Variants in STX8 observed in about 807,000 individuals in gnomAD.
STX8 encodes the protein syntaxin-8.
Under a neutral mutation model 37.5 loss-of-function variants are expected in STX8, and 23 were observed. The observed-to-expected ratio is 0.61, with a 90% CI of 0.44 to 0.87. The LOEUF is 0.87. Ranked by LOEUF, STX8 falls within the 40% of genes least tolerant of loss-of-function variation. STX8 has a pLI of 0.00. For synonymous variants in STX8, 115 were observed against 99.1 expected (o/e 1.16, Z -0.95); for missense variants, 313 against 284.7 (o/e 1.10, Z -0.71).
intron 5 of STX8, among the ~76,000 whole-genome samples, chr17:9,494,938 C>T (rs375451782): frequency 1.3e-5 from 2 of 152,260 alleles, no homozygotes; most frequent in East Asian, 3.9e-4. Context: ...ATGAAGGTAA[C>T]ATTGTACCCC....
chr17:9,567,805 G>A (rs911563041), intron 2 of STX8, among the ~76,000 whole-genome samples: 2 of 152,150 alleles, frequency 1.3e-5, no homozygotes, highest in Non-Finnish European at 2.9e-5. Context: ...TCCTGCCTCA[G>A]CCTCCTGAGT....
intron 6 of STX8, among the ~76,000 whole-genome samples, chr17:9,441,856 T>A (rs1396889061): frequency 6.6e-6 from 1 of 151,904 alleles, no homozygotes; most frequent in Non-Finnish European, 1.5e-5. Flanking sequence ...TTTGTATTTT[T>A]AGTAGAGACG....
intron 6 of STX8, among the ~76,000 whole-genome samples, chr17:9,431,528 CT>C (rs1412479988): frequency 7.9e-5 from 12 of 151,904 alleles, no homozygotes; most frequent in Admixed American, 7.9e-4. Flanking sequence ...ATCTCTTGAC[CT>C]TGTGATCCAC....
chr17:9,362,837 A>AG (rs1911106137), intron 7 of STX8, among the ~76,000 whole-genome samples: 1 of 121,824 alleles, frequency 8.2e-6, no homozygotes, highest in African/African-American at 5.2e-5. Context: ...TCAAAAAAAA[A>AG]AAAAAATAAA....
intron 5 of STX8, among the ~76,000 whole-genome samples, chr17:9,497,893 C>T (rs1904464106): frequency 6.6e-6 from 1 of 152,124 alleles, no homozygotes; most frequent in Non-Finnish European, 1.5e-5. Context: ...GGAGGGCCCT[C>T]TAGGTTTACA....
chr17:9,541,383 G>C (rs35995061), intron 4 of STX8, among the ~76,000 whole-genome samples: 1 of 151,652 alleles, frequency 6.6e-6, no homozygotes, highest in African/African-American at 2.4e-5. Flanking sequence ...TCAGGGGGCA[G>C]GGCACGAGGG....
chr17:9,332,125 CCT>C (rs1348952020), intron 7 of STX8, among the ~76,000 whole-genome samples: 1 of 152,186 alleles, frequency 6.6e-6, no homozygotes, highest in Non-Finnish European at 1.5e-5. Flanking sequence ...GACTGCTGGA[CCT>C]CTGTTTGCTT....
At chr17:9,554,512 G>A (rs1322486715) in intron 3 of STX8, 3 of 152,170 alleles carry the variant, frequency 2.0e-5, no homozygotes, top group Non-Finnish European at 4.4e-5. Context: ...TGTTTGGGAA[G>A]AAGAAGGAGG....
At chr17:9,559,475 G>A (rs991165941) in intron 2 of STX8, among the ~76,000 whole-genome samples, 15 of 151,212 alleles carry the variant, frequency 9.9e-5, no homozygotes, top group Admixed American at 6.6e-5. Context: ...ATTAAAAACA[G>A]AATAAACATA....
At chr17:9,324,509 T>C (rs1188791470) in intron 7 of STX8, among the ~76,000 whole-genome samples, 1 of 151,932 alleles carries the variant, frequency 6.6e-6, no homozygotes, top group Admixed American at 6.6e-5. Flanking sequence ...CTGCCTGTAA[T>C]CCCTGCACTT....
intron 6 of STX8, among the ~76,000 whole-genome samples, chr17:9,392,911 AAG>A (rs1912273515): frequency 2.6e-5 from 4 of 152,206 alleles, no homozygotes; most frequent in Admixed American, 6.5e-5. Flanking sequence ...AGAGAGAAAA[AAG>A]AGTGTGGGCC....
chr17:9,396,980 T>A (rs1240405846), intron 6 of STX8, among the ~76,000 whole-genome samples: 2 of 152,198 alleles, frequency 1.3e-5, no homozygotes, highest in Admixed American at 6.5e-5. Context: ...ATGAGTGGCA[T>A]CTATAAGACT....
chr17:9,543,748 C>A (rs1269487942), intron 4 of STX8, among the ~76,000 whole-genome samples: 4 of 152,194 alleles, frequency 2.6e-5, no homozygotes, highest in Non-Finnish European at 5.9e-5. Flanking sequence ...AGTAGATTGG[C>A]CCAGCACAGG....
At chr17:9,513,719 CCCA>C (rs1905090276) in intron 4 of STX8, among the ~76,000 whole-genome samples, 1 of 152,180 alleles carries the variant, frequency 6.6e-6, no homozygotes, top group Non-Finnish European at 1.5e-5. Context: ...GATATCCACA[CCCA>C]CATGTTTACT....
intron 6 of STX8, among the ~76,000 whole-genome samples, chr17:9,460,284 G>C (rs1402022138): frequency 6.6e-6 from 1 of 152,156 alleles, no homozygotes; most frequent in Non-Finnish European, 1.5e-5. Flanking sequence ...ATATTTACTA[G>C]TAACTCTTGG....
In STX8 at chr17:9,545,189, G is replaced by C. The variant is rs762072197; in HGVS notation, c.306C>G (p.Ala102=). 6 of 1,613,530 alleles carry C rather than the reference G, an allele frequency of 3.7e-6. No homozygotes were observed. The highest frequency in any genetic ancestry group is 1.7e-5 in the Admixed American group (1 of 59,944). ...CATCCTACCTGATTAGATCTGGTTCGGCACCCTCATTCTTAAAGGATGCCA... is the reference window on the plus strand; with the variant it reads ...CATCCTACCTGATTAGATCTGGTTCCGCACCCTCATTCTTAAAGGATGCCA... ...LLLASFKNEG[A]EPDLIRSSLM... is the part of the protein sequence containing the mutation. The change falls in exon 4 of 8, where the codon GCC becomes GCG. Residue 102 remains alanine (A), a synonymous_variant. Transcript: ENST00000306357.
intron 6 of STX8, among the ~76,000 whole-genome samples, chr17:9,390,547 G>C (rs1040035526): frequency 6.8e-6 from 1 of 147,086 alleles, no homozygotes; most frequent in Non-Finnish European, 1.5e-5. Context: ...TGTAACACAG[G>C]GTCGGTGCGG....
intron 7 of STX8, among the ~76,000 whole-genome samples, chr17:9,260,744 A>G (rs1325611164): frequency 2.0e-5 from 3 of 152,116 alleles, no homozygotes; most frequent in African/African-American, 7.2e-5. Flanking sequence ...CAACACTGGG[A>G]AGAGAGAGGC....
intron 7 of STX8, among the ~76,000 whole-genome samples, chr17:9,350,398 G>A (rs1910666926): frequency 6.6e-6 from 1 of 152,216 alleles, no homozygotes; most frequent in African/African-American, 2.4e-5. Flanking sequence ...AGACCAAGGG[G>A]GAACTACTGT....
Sources: allele counts gnomAD v4.1 joint callset (sites outside exome capture counted in the v4.1 genomes callset), GRCh38; gene constraint gnomAD v4.1.1; transcripts MANE v1.5; gene names NCBI Gene and HGNC (gene_info 2026-07-23, HGNC 2026-07-21).